VAT1L: variants seen among roughly 807,000 people sequenced by gnomAD.
VAT1L encodes vesicle amine transport 1 like.
In VAT1L, 34 loss-of-function variants were observed where a neutral mutation model predicts 44.1. The ratio of observed to expected loss-of-function variants is 0.77; its 90% CI spans 0.59 to 1.03. The LOEUF (loss-of-function observed/expected upper bound fraction) is 1.03. Ranked by LOEUF, VAT1L falls within the 50% of genes least tolerant of loss-of-function variation. The pLI, the probability that VAT1L is intolerant of heterozygous loss-of-function variation, is 0.00. For synonymous variants in VAT1L, 253 were observed against 202.2 expected, an observed-to-expected ratio of 1.25 and a Z score of -2.13; for missense variants, 615 against 538.8, an observed-to-expected ratio of 1.14 and a Z score of -1.40.
chr16:77,873,671 C>T (rs1265354185), intron 4 of VAT1L, among the ~76,000 whole-genome samples: 1 of 152,136 alleles, frequency 6.6e-6, no homozygotes, highest in Non-Finnish European at 1.5e-5. Flanking sequence ...TAAAAAGTAT[C>T]TCCAGTGTAG....
intron 7 of VAT1L, among the ~76,000 whole-genome samples, chr16:77,885,180 T>C (rs991551583): frequency 2.0e-5 from 3 of 152,202 alleles, no homozygotes; most frequent in African/African-American, 7.2e-5. Flanking sequence ...TGATCTGAGC[T>C]AAAATGATTT....
At chr16:77,911,137 G>T (rs1256254470) in intron 7 of VAT1L, among the ~76,000 whole-genome samples, 1 of 152,140 alleles carries the variant, frequency 6.6e-6, no homozygotes, top group East Asian at 1.9e-4. Flanking sequence ...TAAGACCAGT[G>T]TTCAAACCAG....
Position 77,977,805 on chromosome 16 carries a change from G to C in VAT1L, c.*110G>C. On this transcript the variant is annotated 3_prime_UTR_variant, in exon 9 of 9. Transcript: ENST00000302536. ...AATGCTGTAGTCCAGTGCGTGTCGTGTTTGTCTGCAGTCAGCTGAGCTAAA... is the reference window on the plus strand; with the variant it reads ...AATGCTGTAGTCCAGTGCGTGTCGTCTTTGTCTGCAGTCAGCTGAGCTAAA... The C allele has an allele frequency of 9.3e-7, 1 of 1,074,040 alleles. No homozygotes were observed. Among genetic ancestry groups the C allele is most frequent in the Non-Finnish European group, 1.4e-6 (1 of 733,198 alleles). The allele number at this position is 1,074,040 out of a possible 1,614,324, so 66.5% of individuals were successfully genotyped here.
intron 2 of VAT1L, among the ~76,000 whole-genome samples, chr16:77,818,930 G>C (rs1271168350): frequency 2.6e-5 from 4 of 152,192 alleles, no homozygotes; most frequent in Non-Finnish European, 5.9e-5. Context: ...AGATCGCAAA[G>C]GATGATGAAA....
At chr16:77,795,438 GC>G (rs2015912185) in intron 1 of VAT1L, among the ~76,000 whole-genome samples, 1 of 152,140 alleles carries the variant, frequency 6.6e-6, no homozygotes, top group African/African-American at 2.4e-5. Context: ...GCTAAAATGT[GC>G]CATTTAGAAC....
chr16:77,899,910 C>G (rs982364840), intron 7 of VAT1L, among the ~76,000 whole-genome samples: 5 of 152,206 alleles, frequency 3.3e-5, no homozygotes, highest in Admixed American at 1.3e-4. Context: ...TACAAATTAC[C>G]AACTAGTTAG....
intron 7 of VAT1L, among the ~76,000 whole-genome samples, chr16:77,938,212 G>A (rs2017827697): frequency 2.6e-5 from 4 of 152,148 alleles, no homozygotes; most frequent in Non-Finnish European, 4.4e-5. Flanking sequence ...ATGCACAGAT[G>A]AACTGGAAAC....
intron 4 of VAT1L, among the ~76,000 whole-genome samples, chr16:77,873,044 T>C (rs1268725216): frequency 6.6e-6 from 1 of 152,206 alleles, no homozygotes; most frequent in Non-Finnish European, 1.5e-5. Flanking sequence ...TCTGAATGTA[T>C]GTGTATTTAT....
chr16:77,908,157 T>G (rs8059084), intron 7 of VAT1L, among the ~76,000 whole-genome samples: 107,544 of 150,906 alleles, frequency 0.71, 38,511 homozygotes, highest in South Asian at 0.87. Context: ...GAGAATGGCG[T>G]GAACCCGGGA....
chr16:77,862,903 C>T lies in VAT1L; in HGVS notation c.722+13C>T, dbSNP rs375981858. 1.2e-4 allele frequency: 187 copies of T among 1,612,730 alleles called. 2 individuals carry two copies. In the Middle Eastern group the frequency reaches 4.1e-3, roughly 36 times the overall value. On this transcript the variant is annotated intron_variant, in intron 4 of 8. Coordinates refer to ENST00000302536, the MANE Select transcript of VAT1L (RefSeq NM_020927.3). ...AAGAAGTTAAAAGGTAAGATGTTTGCTTTTGAAAAAGCACCAGGCTGGCCC... is the reference window on the plus strand; with the variant it reads ...AAGAAGTTAAAAGGTAAGATGTTTGTTTTTGAAAAAGCACCAGGCTGGCCC...
chr16:77,869,807 C>T (rs927492507), intron 4 of VAT1L, among the ~76,000 whole-genome samples: 7 of 152,148 alleles, frequency 4.6e-5, no homozygotes, highest in African/African-American at 1.7e-4. Flanking sequence ...ATCAAACTCC[C>T]GATCGAGGGG....
At chr16:77,940,262 A>G (rs1347643437) in intron 7 of VAT1L, among the ~76,000 whole-genome samples, 2 of 151,954 alleles carry the variant, frequency 1.3e-5, no homozygotes, top group Admixed American at 1.3e-4. Flanking sequence ...TGTGCTATCA[A>G]CTGACTTACT....
intron 3 of VAT1L, among the ~76,000 whole-genome samples, chr16:77,854,567 A>G (rs577509364): frequency 6.6e-6 from 1 of 152,222 alleles, no homozygotes. Context: ...AAACGTAAGT[A>G]TGGCTCATGC....
At chr16:77,976,191 C>T (rs559986716) in intron 8 of VAT1L, among the ~76,000 whole-genome samples, 5 of 152,232 alleles carry the variant, frequency 3.3e-5, no homozygotes, top group East Asian at 1.9e-4. Context: ...TGGTGTCTAC[C>T]GTTTGGCAGG....
intron 7 of VAT1L, among the ~76,000 whole-genome samples, chr16:77,889,949 A>G (rs2017246277): frequency 6.6e-6 from 1 of 152,008 alleles, no homozygotes; most frequent in Non-Finnish European, 1.5e-5. Flanking sequence ...TTAGCCAGGC[A>G]TGGTGGCAAC....
chr16:77,898,155 T>C (rs1262877649), intron 7 of VAT1L, among the ~76,000 whole-genome samples: 1 of 152,208 alleles, frequency 6.6e-6, no homozygotes, highest in Non-Finnish European at 1.5e-5. Flanking sequence ...TCTGTGGGCA[T>C]CTATCTCCAA....
chr16:77,934,897 T>C (rs1328274336), intron 7 of VAT1L, among the ~76,000 whole-genome samples: 2 of 152,192 alleles, frequency 1.3e-5, no homozygotes, highest in African/African-American at 4.8e-5. Flanking sequence ...GTCTGGTGGA[T>C]GAATTTGCAG....
chr16:77,822,629 A>G (rs1168699214), intron 2 of VAT1L, among the ~76,000 whole-genome samples: 1 of 152,126 alleles, frequency 6.6e-6, no homozygotes, highest in Non-Finnish European at 1.5e-5. Context: ...TCCTGGGAGG[A>G]TTCAGAGAGG....
rs146210773 is a variant in VAT1L at position 77,932,999 on chromosome 16, C to T, written c.1078-38851C>T. ...ACACATTTCATTGGCTAGAACTGAT[C>T]GCATGGCCCCACCTGACTCCAAGGA... On this transcript the variant is annotated intron_variant, in intron 7 of 8. Coordinates refer to ENST00000302536, the MANE Select transcript of VAT1L (RefSeq NM_020927.3). 3.5e-4 allele frequency among the ~76,000 whole-genome samples: 53 copies of T among 152,298 alleles called. No homozygotes were observed. In the East Asian group the frequency reaches 5.2e-3, roughly 15 times the overall value.
Sources: allele counts gnomAD v4.1 joint callset (sites outside exome capture counted in the v4.1 genomes callset), GRCh38; gene constraint gnomAD v4.1.1; transcripts MANE v1.5; gene names NCBI Gene and HGNC (gene_info 2026-07-23, HGNC 2026-07-21).